Variants in PPT1 observed in about 807,000 individuals in gnomAD.
PPT1 encodes palmitoyl-protein thioesterase 1.
Under a neutral mutation model 44.0 loss-of-function variants are expected in PPT1, and 24 were observed. The ratio of observed to expected loss-of-function variants is 0.54; its 90% CI spans 0.39 to 0.77. The LOEUF is 0.77. Among genes scored for constraint, PPT1 ranks in the 30% least tolerant of loss-of-function variants. The pLI is 0.00. For missense variants in PPT1, 341 were observed against 378.8 expected, an observed-to-expected ratio of 0.90 and a Z score of 0.83; for synonymous variants, 148 against 140.2, an observed-to-expected ratio of 1.06 and a Z score of -0.39.
intron 1 of PPT1, among the ~76,000 whole-genome samples, chr1:40,093,454 T>C (rs1206418493): frequency 6.6e-6 from 1 of 152,120 alleles, no homozygotes; most frequent in Non-Finnish European, 1.5e-5. Flanking sequence ...TTGCACAACA[T>C]TGCAAATACA....
chr1:40,072,252 GAAAAA>G (rs61352266), downstream of PPT1: 7 of 160,664 alleles, frequency 4.4e-5, no homozygotes, highest in African/African-American at 5.0e-5. Context: ...ACTTTAAAAG[GAAAAA>G]AAAAAAAAAA....
chr1:40,092,498 C>T lies in PPT1; in HGVS notation c.134G>A (p.Cys45Tyr), dbSNP rs137852702. The T allele has an allele frequency of 3.1e-6, 5 of 1,610,486 alleles. No individual in the cohort carries two copies. The highest frequency in any genetic ancestry group is 4.2e-6 in the Non-Finnish European group (5 of 1,176,660). ...LVIWHGMGDS[C>Y]CNPLSMGAIK... The stretch of plus-strand genomic sequence containing the variant: ...AGCACCCATGCTTAAGGGATTGCAA[C>T]AGCTGTCTCCTAGCCAACAAAACAC... Residue 45 changes from cysteine to tyrosine, a missense_variant, in exon 2 of 9, where the codon TGT becomes TAT. Coordinates refer to ENST00000642050, the MANE Select transcript of PPT1 (RefSeq NM_000310.4).
At chr1:40,095,346 C>T (rs557234565) in intron 1 of PPT1, among the ~76,000 whole-genome samples, 2 of 152,148 alleles carry the variant, frequency 1.3e-5, no homozygotes, top group African/African-American at 4.8e-5. Context: ...CCTCTGTGTA[C>T]GCTCATTTCC....
intron 3 of PPT1, 120 bp downstream of exon 3, chr1:40,091,925 T>G (rs1649585874): frequency 7.7e-7 from 1 of 1,304,338 alleles, no homozygotes; most frequent in Non-Finnish European, 1.1e-6. Context: ...CAGGAACATT[T>G]TAGGAAATTT....
chr1:40,080,535 T>C (rs1427569959), intron 5 of PPT1, 48 bp from the exon 6 acceptor site: 3 of 1,571,752 alleles, frequency 1.9e-6, no homozygotes, highest in Non-Finnish European at 2.6e-6. Flanking sequence ...GGTCAGTCAG[T>C]ACGCCCAGGG....
At chr1:40,078,694 C>T in intron 6 of PPT1, 36 bp from the exon 7 acceptor site, 2 of 1,526,100 alleles carry the variant, frequency 1.3e-6, no homozygotes, top group Non-Finnish European at 1.8e-6. Context: ...AGGTCATTAC[C>T]ATCAGACACC....
chr1:40,071,913 A>C, downstream of PPT1: 1 of 413,566 alleles, frequency 2.4e-6, no homozygotes. Context: ...ACACTGGTTA[A>C]TCTTTTTTTA....
chr1:40,083,604 A>G (rs1467068945), intron 5 of PPT1, among the ~76,000 whole-genome samples: 1 of 152,232 alleles, frequency 6.6e-6, no homozygotes, highest in Non-Finnish European at 1.5e-5. Flanking sequence ...GCCACAGCAC[A>G]TCCATTCTAC....
intron 1 of PPT1, among the ~76,000 whole-genome samples, chr1:40,096,641 C>T (rs1356779406): frequency 1.3e-5 from 2 of 149,304 alleles, no homozygotes; most frequent in Admixed American, 6.6e-5. Flanking sequence ...TGTATATATG[C>T]AAATATTAAA....
rs774008808 is a variant in PPT1 at position 40,076,823 on chromosome 1, T to C, written c.798+19A>G. On this transcript the variant is annotated intron_variant, in intron 8 of 8. Coordinates refer to ENST00000642050, the MANE Select transcript of PPT1 (RefSeq NM_000310.4). ...CTGAAAAAACACCAACCTCCCAAGA[T>C]AGACTCCCTGCCAGTTACCTGTGTG... The C allele has an allele frequency of 6.8e-6, 11 of 1,614,040 alleles. No homozygotes were observed. Among genetic ancestry groups the C allele is most frequent in the Admixed American group, 5.0e-5 (3 of 60,014 alleles).
intron 5 of PPT1, among the ~76,000 whole-genome samples, chr1:40,088,336 G>A (rs1041739042): frequency 6.6e-6 from 1 of 151,978 alleles, no homozygotes. Flanking sequence ...TAATAGAGAC[G>A]GGATTTCACC....
At chr1:40,091,599 C>T (rs1570469683) in intron 3 of PPT1, among the ~76,000 whole-genome samples, 200 bp from the exon 4 acceptor site, 1 of 152,282 alleles carries the variant, frequency 6.6e-6, no homozygotes, top group East Asian at 1.9e-4. Context: ...CATGGTGGCT[C>T]ACACCTGTAA....
intron 8 of PPT1, 33 bp downstream of exon 8, chr1:40,076,809 C>A: frequency 3.1e-6 from 5 of 1,613,842 alleles, no homozygotes; most frequent in Non-Finnish European, 4.2e-6. Flanking sequence ...TGAAAAAACA[C>A]CAACCTCCCA....
At chr1:40,085,322 G>A (rs1284043296) in intron 5 of PPT1, among the ~76,000 whole-genome samples, 4 of 152,104 alleles carry the variant, frequency 2.6e-5, no homozygotes, top group African/African-American at 4.8e-5. Context: ...CAGTGGACAC[G>A]TGACCCATGT....
chr1:40,094,881 T>C (rs1320967234), intron 1 of PPT1, among the ~76,000 whole-genome samples: 1 of 152,204 alleles, frequency 6.6e-6, no homozygotes, highest in African/African-American at 2.4e-5. Context: ...GACTGTGAGC[T>C]CTGGGAAAAC....
intron 4 of PPT1, 145 bp downstream of exon 4, chr1:40,091,184 C>T (rs1259005873): frequency 1.2e-6 from 1 of 853,556 alleles, no homozygotes; most frequent in Non-Finnish European, 1.9e-6. Flanking sequence ...TCCAGCAATG[C>T]TGGCTAGTTT....
chr1:40,077,080 T>G (rs923334824), intron 7 of PPT1, among the ~76,000 whole-genome samples, 167 bp from the exon 8 acceptor site: 1 of 152,214 alleles, frequency 6.6e-6, no homozygotes, highest in African/African-American at 2.4e-5. Flanking sequence ...TTCTTAAGGG[T>G]GGAGCCCGAG....
intron 8 of PPT1, 83 bp from the exon 9 acceptor site, chr1:40,074,266 T>A: frequency 6.4e-7 from 1 of 1,554,568 alleles, no homozygotes. Flanking sequence ...TTGAGATATA[T>A]TTTCAAAATG....
At chr1:40,082,711 A>C (rs1649030010) in intron 5 of PPT1, among the ~76,000 whole-genome samples, 1 of 152,262 alleles carries the variant, frequency 6.6e-6, no homozygotes, top group Non-Finnish European at 1.5e-5. Context: ...TCCATAACAC[A>C]GGAGTGCAAG....
Sources: allele counts gnomAD v4.1 joint callset (sites outside exome capture counted in the v4.1 genomes callset), GRCh38; gene constraint gnomAD v4.1.1; transcripts MANE v1.5; gene names NCBI Gene and HGNC (gene_info 2026-07-23, HGNC 2026-07-21).